AKAP19: variants seen among roughly 807,000 people sequenced by gnomAD.
AKAP19 encodes A-kinase anchoring protein 19.
chr2:190,148,969 T>C, the AKAP19 span, among the ~76,000 whole-genome samples: 13 of 148,556 alleles, frequency 8.8e-5, 1 homozygote, highest in East Asian at 1.4e-3. Context: ...TTTTTTTTTT[T>C]TTTTTTTTTT....
the AKAP19 span, among the ~76,000 whole-genome samples, chr2:189,951,995 A>C: frequency 3.9e-5 from 6 of 152,186 alleles, no homozygotes; most frequent in Non-Finnish European, 8.8e-5. Flanking sequence ...CAAACAAACT[A>C]CACAAACTGA....
the AKAP19 span, among the ~76,000 whole-genome samples, chr2:190,191,050 C>T: frequency 2.0e-5 from 3 of 152,138 alleles, no homozygotes; most frequent in African/African-American, 7.2e-5. Context: ...AATCAGCATG[C>T]CTTTGAGTCA....
At chr2:190,169,256 GC>G in the AKAP19 span, among the ~76,000 whole-genome samples, 1 of 152,032 alleles carries the variant, frequency 6.6e-6, no homozygotes, top group African/African-American at 2.4e-5. Flanking sequence ...GGAAAGACCT[GC>G]CCCCATGATT....
chr2:190,188,454 T>C, the AKAP19 span, among the ~76,000 whole-genome samples: 10 of 152,226 alleles, frequency 6.6e-5, no homozygotes, highest in African/African-American at 2.2e-4. Flanking sequence ...CTGATGACCA[T>C]AGTCACTTCC....
the AKAP19 span, among the ~76,000 whole-genome samples, chr2:189,912,955 C>A: frequency 6.6e-6 from 1 of 152,058 alleles, no homozygotes; most frequent in Non-Finnish European, 1.5e-5. Context: ...TACCGCAAAG[C>A]TGTAGAGTAT....
chr2:189,889,385 C>T, the AKAP19 span, among the ~76,000 whole-genome samples: 19 of 152,190 alleles, frequency 1.2e-4, no homozygotes, highest in African/African-American at 4.3e-4. Flanking sequence ...TGATATTGGC[C>T]TGAAATTTTC....
At chr2:190,050,813 G>C in the AKAP19 span, among the ~76,000 whole-genome samples, 1 of 152,158 alleles carries the variant, frequency 6.6e-6, no homozygotes, top group African/African-American at 2.4e-5. Context: ...TCAGACACTG[G>C]TATTTTTGTG....
At chr2:190,075,946 C>T in the AKAP19 span, among the ~76,000 whole-genome samples, 85 of 152,178 alleles carry the variant, frequency 5.6e-4, 1 homozygote, top group African/African-American at 1.9e-3. Context: ...TTTATCTCCA[C>T]TATTGATTTA....
At chr2:189,932,845 A>C in the AKAP19 span, among the ~76,000 whole-genome samples, 3 of 152,228 alleles carry the variant, frequency 2.0e-5, no homozygotes, top group Non-Finnish European at 4.4e-5. Flanking sequence ...ATTGTTTTAC[A>C]TTATTGGTAA....
the AKAP19 span, among the ~76,000 whole-genome samples, chr2:190,045,183 CA>C: frequency 6.6e-6 from 1 of 152,208 alleles, no homozygotes; most frequent in African/African-American, 2.4e-5. Flanking sequence ...TGGGAGGTCC[CA>C]CCCAGTGAGG....
chr2:190,039,016 C>CCTCT, the AKAP19 span, among the ~76,000 whole-genome samples: 1 of 120,414 alleles, frequency 8.3e-6, no homozygotes, highest in Admixed American at 8.6e-5. Flanking sequence ...CTTCCTCTTC[C>CCTCT]TCTTCCTCTT....
chr2:190,032,671 C>A, the AKAP19 span, among the ~76,000 whole-genome samples: 1 of 151,740 alleles, frequency 6.6e-6, no homozygotes, highest in African/African-American at 2.4e-5. Context: ...AATTGACCAT[C>A]TATATTTCCC....
At chr2:190,120,603 C>T in the AKAP19 span, among the ~76,000 whole-genome samples, 2 of 152,188 alleles carry the variant, frequency 1.3e-5, no homozygotes, top group African/African-American at 4.8e-5. Context: ...GAAGAAATAA[C>T]TCACTTTAAT....
At chr2:189,916,287 CTTCTATAATT>C in the AKAP19 span, among the ~76,000 whole-genome samples, 14 of 150,672 alleles carry the variant, frequency 9.3e-5, no homozygotes, top group South Asian at 8.4e-4. Flanking sequence ...ATATATTATA[CTTCTATAATT>C]TTCTATAATT....
chr2:189,909,550 A>G, the AKAP19 span, among the ~76,000 whole-genome samples: 1 of 152,028 alleles, frequency 6.6e-6, no homozygotes, highest in Non-Finnish European at 1.5e-5. Context: ...GGTTACAATG[A>G]GGCTTACATG....
At chr2:189,897,303 T>C in the AKAP19 span, among the ~76,000 whole-genome samples, 1 of 152,182 alleles carries the variant, frequency 6.6e-6, no homozygotes. Context: ...TTGTTATATA[T>C]AATTTTTGGT....
At chr2:190,092,434 G>A in the AKAP19 span, among the ~76,000 whole-genome samples, 3 of 151,958 alleles carry the variant, frequency 2.0e-5, no homozygotes, top group African/African-American at 7.2e-5. Flanking sequence ...TAAGGGCACA[G>A]GGATCCACCG....
At chr2:189,927,982 A>C in the AKAP19 span, among the ~76,000 whole-genome samples, 1 of 152,176 alleles carries the variant, frequency 6.6e-6, no homozygotes, top group African/African-American at 2.4e-5. Context: ...TGTCTTTTGT[A>C]GTAAGTAAAA....
chr2:190,106,409 A>G, the AKAP19 span, among the ~76,000 whole-genome samples: 2 of 152,156 alleles, frequency 1.3e-5, no homozygotes, highest in African/African-American at 4.8e-5. Context: ...ATTTCTAACC[A>G]TGTGGGCCAT....
Sources: allele counts gnomAD v4.1 joint callset (sites outside exome capture counted in the v4.1 genomes callset), GRCh38; gene constraint gnomAD v4.1.1; transcripts MANE v1.5; gene names NCBI Gene and HGNC (gene_info 2026-07-23, HGNC 2026-07-21).